Variants in MCC observed in about 807,000 individuals in gnomAD.
The protein encoded by MCC is colorectal mutant cancer protein.
MCC carries 90 observed loss-of-function variants against 116.2 expected under a neutral mutation model. That is an observed-to-expected ratio of 0.77 (90% CI 0.65 to 0.92). The LOEUF is 0.92. MCC is among the 40% of genes least tolerant of loss of function. MCC has a pLI of 0.00. For synonymous variants in MCC, 578 were observed against 510.5 expected (o/e 1.13, Z -1.78); for missense variants, 1,516 against 1,312.2 (o/e 1.16, Z -2.40).
At chr5:113,186,970 CA>C (rs1352705198) in intron 3 of MCC, among the ~76,000 whole-genome samples, 1 of 152,144 alleles carries the variant, frequency 6.6e-6, no homozygotes, top group Non-Finnish European at 1.5e-5. Flanking sequence ...ACAGCCCCCA[CA>C]ACAATAATTA....
intron 1 of MCC, among the ~76,000 whole-genome samples, chr5:113,456,762 C>A (rs1012901264): frequency 6.0e-5 from 9 of 149,542 alleles, no homozygotes; most frequent in Middle Eastern, 3.4e-3. Context: ...TGAGCCACTG[C>A]GCCCGGCCAA....
intron 5 of MCC, among the ~76,000 whole-genome samples, chr5:113,124,508 A>G (rs1364220707): frequency 1.3e-5 from 2 of 152,222 alleles, no homozygotes; most frequent in Non-Finnish European, 2.9e-5. Flanking sequence ...CTTTGGTATA[A>G]ATGGCATTTG....
At chr5:113,404,866 C>A (rs199730230) in intron 1 of MCC, among the ~76,000 whole-genome samples, 1 of 151,656 alleles carries the variant, frequency 6.6e-6, no homozygotes, top group African/African-American at 2.4e-5. Flanking sequence ...ATGATACATA[C>A]AAAAGTAGTA....
At chr5:113,479,066 T>C (rs348930) in intron 1 of MCC, among the ~76,000 whole-genome samples, 104,861 of 152,044 alleles carry the variant, frequency 0.69, 36,580 homozygotes, top group East Asian at 0.88. Context: ...TCAAACTAGA[T>C]ACAACCTAAA....
intron 1 of MCC, among the ~76,000 whole-genome samples, chr5:113,477,399 T>C (rs1278758496): frequency 1.3e-5 from 2 of 152,236 alleles, no homozygotes; most frequent in Non-Finnish European, 2.9e-5. Context: ...TCACAGAGGC[T>C]GGATTTACCG....
chr5:113,416,545 T>C (rs1770153898), intron 1 of MCC, among the ~76,000 whole-genome samples: 1 of 152,194 alleles, frequency 6.6e-6, no homozygotes, highest in Non-Finnish European at 1.5e-5. Context: ...ACAGAGTGTT[T>C]ACAGTATATT....
At chr5:113,058,663 A>G (rs933730193) in intron 14 of MCC, among the ~76,000 whole-genome samples, 32 of 152,176 alleles carry the variant, frequency 2.1e-4, no homozygotes, top group African/African-American at 7.7e-4. Flanking sequence ...AAACCTGGAT[A>G]AATGTTCCTC....
At chr5:113,034,684 T>C (rs1236922375) in intron 17 of MCC, among the ~76,000 whole-genome samples, 1 of 152,270 alleles carries the variant, frequency 6.6e-6, no homozygotes, top group African/African-American at 2.4e-5. Context: ...GTGATGTCTC[T>C]CATCCTCACC....
At chr5:113,233,489 C>T (rs1027513454) in intron 3 of MCC, among the ~76,000 whole-genome samples, 1 of 152,168 alleles carries the variant, frequency 6.6e-6, no homozygotes, top group Non-Finnish European at 1.5e-5. Flanking sequence ...TAAAACTTGA[C>T]AGATTCTCTG....
intron 3 of MCC, among the ~76,000 whole-genome samples, chr5:113,173,901 C>T (rs1453031871): frequency 6.6e-6 from 1 of 152,164 alleles, no homozygotes; most frequent in Non-Finnish European, 1.5e-5. Context: ...CAGGGATTTA[C>T]AGCCCACCAC....
At chr5:113,165,382 C>T (rs1262918630) in intron 3 of MCC, among the ~76,000 whole-genome samples, 3 of 152,212 alleles carry the variant, frequency 2.0e-5, no homozygotes, top group East Asian at 3.8e-4. Context: ...ACAAGAAACA[C>T]CAACATTGTA....
At chr5:113,235,121 G>A (rs866994615) in intron 3 of MCC, among the ~76,000 whole-genome samples, 2 of 152,182 alleles carry the variant, frequency 1.3e-5, no homozygotes, top group Admixed American at 6.5e-5. Flanking sequence ...AAAGCTGCCC[G>A]AGGTGAAAGG....
chr5:113,157,029 T>C (rs1226936898), intron 3 of MCC, among the ~76,000 whole-genome samples: 1 of 152,206 alleles, frequency 6.6e-6, no homozygotes, highest in African/African-American at 2.4e-5. Flanking sequence ...AGTGAATAGA[T>C]GTCTATTCCG....
At chr5:113,297,524 C>G (rs1766744113) in intron 3 of MCC, among the ~76,000 whole-genome samples, 1 of 151,598 alleles carries the variant, frequency 6.6e-6, no homozygotes, top group Non-Finnish European at 1.5e-5. Context: ...GAGACCGCAC[C>G]ACCACACTCC....
chr5:113,225,566 C>T (rs1763701487), intron 3 of MCC, among the ~76,000 whole-genome samples: 1 of 152,202 alleles, frequency 6.6e-6, no homozygotes, highest in Non-Finnish European at 1.5e-5. Flanking sequence ...CTCATACAGC[C>T]TGAACTTAAA....
intron 1 of MCC, among the ~76,000 whole-genome samples, chr5:113,479,703 T>G (rs1772325074): frequency 6.6e-6 from 1 of 152,174 alleles, no homozygotes; most frequent in Middle Eastern, 3.2e-3. Flanking sequence ...CTTGGTAGGC[T>G]GATTGCTTTA....
At chr5:113,349,982 T>C (rs1047125650) in intron 2 of MCC, among the ~76,000 whole-genome samples, 2 of 151,738 alleles carry the variant, frequency 1.3e-5, no homozygotes, top group African/African-American at 4.8e-5. Flanking sequence ...GAAATTTAAC[T>C]GAAGAAGTAA....
At chr5:113,331,143 T>TCATAGATTGCATCAC (rs1767687056) in intron 3 of MCC, among the ~76,000 whole-genome samples, 1 of 151,950 alleles carries the variant, frequency 6.6e-6, no homozygotes, top group African/African-American at 2.4e-5. Context: ...GTGGAGAGGT[T>TCATAGATTGCATCAC]CTGGGTTCCT....
At chr5:113,072,110 TC>T in intron 11 of MCC, among the ~76,000 whole-genome samples, 1 of 152,230 alleles carries the variant, frequency 6.6e-6, no homozygotes, top group Non-Finnish European at 1.5e-5. Flanking sequence ...CAAGTCATTT[TC>T]CATGGACACA....
Sources: allele counts gnomAD v4.1 joint callset (sites outside exome capture counted in the v4.1 genomes callset), GRCh38; gene constraint gnomAD v4.1.1; transcripts MANE v1.5; gene names NCBI Gene and HGNC (gene_info 2026-07-23, HGNC 2026-07-21).